SDK1: variants seen among roughly 807,000 people sequenced by gnomAD.
SDK1 encodes sidekick cell adhesion molecule 1.
SDK1 carries 157 observed loss-of-function variants against 245.5 expected under a neutral mutation model. The ratio of observed to expected loss-of-function variants is 0.64; its 90% CI spans 0.56 to 0.73. The LOEUF is 0.73. Among genes scored for constraint, SDK1 ranks in the 30% least tolerant of loss-of-function variants. SDK1 has a pLI of 0.00. For missense variants in SDK1, 3,583 were observed against 3,002.3 expected (o/e 1.19, Z -4.52); for synonymous variants, 1,647 against 1,278.5 (o/e 1.29, Z -6.15).
At chr7:3,881,401 GC>G (rs1193773510) in intron 5 of SDK1, among the ~76,000 whole-genome samples, 1 of 151,810 alleles carries the variant, frequency 6.6e-6, no homozygotes, top group East Asian at 1.9e-4. Context: ...ACGTCTTCCA[GC>G]TCCTTCTGCG....
intron 1 of SDK1, among the ~76,000 whole-genome samples, chr7:3,555,401 C>T (rs895768144): frequency 6.6e-6 from 1 of 152,114 alleles, no homozygotes; most frequent in Non-Finnish European, 1.5e-5. Flanking sequence ...GAAACTAGAC[C>T]TCTATGTCTC....
intron 4 of SDK1, among the ~76,000 whole-genome samples, chr7:3,735,461 T>C (rs866075324): frequency 1.3e-5 from 2 of 152,220 alleles, no homozygotes; most frequent in South Asian, 4.1e-4. Context: ...TGGTATAATG[T>C]CTCCAAGGTT....
At chr7:3,732,961 A>C (rs1583353224) in intron 4 of SDK1, among the ~76,000 whole-genome samples, 1 of 152,184 alleles carries the variant, frequency 6.6e-6, no homozygotes, top group African/African-American at 2.4e-5. Context: ...CCTAGTTTAT[A>C]GCAAGTAATC....
rs567591531 is a variant in SDK1 at position 3,585,849 on chromosome 7, T to A, written c.299-33231T>A. ...TTGTCAGCGAGGAAATAAATCTGTT[T>A]CTCTTTTCCATTTTCCAAGAAGGGA... On this transcript the variant is annotated intron_variant, in intron 1 of 44. Coordinates refer to ENST00000404826, the MANE Select transcript of SDK1 (RefSeq NM_152744.4). 2.0e-5 allele frequency among the ~76,000 whole-genome samples: 3 copies of A among 152,274 alleles called. No homozygotes were observed. The South Asian group carries it at 6.2e-4, about 32-fold the overall frequency.
At chr7:4,049,520 C>A in intron 18 of SDK1, 57 bp downstream of exon 18, 1 of 1,358,752 alleles carries the variant, frequency 7.4e-7, no homozygotes, top group Non-Finnish European at 1.1e-6. Flanking sequence ...AGCCACAGCG[C>A]GACGCAGCTG....
At chr7:3,413,208 G>C (rs1779261122) in intron 1 of SDK1, among the ~76,000 whole-genome samples, 1 of 152,132 alleles carries the variant, frequency 6.6e-6, no homozygotes. Flanking sequence ...CGAAGATCTT[G>C]AGCCAAGAGT....
intron 1 of SDK1, among the ~76,000 whole-genome samples, chr7:3,341,506 C>T (rs1452983562): frequency 6.6e-6 from 1 of 151,842 alleles, no homozygotes; most frequent in African/African-American, 2.4e-5. Context: ...ATATCCAGAC[C>T]AAAAAGGAGG....
At chr7:4,065,797 G>T (rs1426349896) in intron 19 of SDK1, among the ~76,000 whole-genome samples, 1 of 141,600 alleles carries the variant, frequency 7.1e-6, no homozygotes, top group African/African-American at 2.6e-5. Flanking sequence ...CCAACTCAGT[G>T]CTCGGTATGG....
chr7:3,859,105 G>T (rs538099478), intron 5 of SDK1, among the ~76,000 whole-genome samples: 3 of 151,682 alleles, frequency 2.0e-5, no homozygotes, highest in Admixed American at 1.3e-4. Context: ...CTCGTGATCC[G>T]CCCGCCTCGG....
At chr7:4,162,369 G>GTTGTTA (rs776772572) in intron 32 of SDK1, among the ~76,000 whole-genome samples, 5,962 of 128,122 alleles carry the variant, frequency 0.047, 199 homozygotes, top group East Asian at 0.16. Context: ...TGTTGTTGTT[G>GTTGTTA]TTATTATTAT....
intron 4 of SDK1, among the ~76,000 whole-genome samples, chr7:3,806,289 G>GATGTCCACATTAGGATGTGT (rs1779242653): frequency 7.9e-6 from 1 of 127,076 alleles, no homozygotes; most frequent in African/African-American, 3.5e-5. Context: ...CTAGGATGTG[G>GATGTCCACATTAGGATGTGT]ATGTCCACAT....
rs114628162 is a variant in SDK1, at chr7:3,553,765, C to T, written c.299-65315C>T. 2.6e-3 allele frequency among the ~76,000 whole-genome samples: 397 copies of T among 152,290 alleles called. 2 individuals are homozygous for T. The highest frequency in any genetic ancestry group is 9.1e-3 in the African/African-American group (377 of 41,552). The stretch of plus-strand genomic sequence containing the variant: ...TTTGTCCTCATGCACCTAAGACCAC[C>T]TTCTTCTGCCCAGAGAGGAATAGGT... On this transcript the variant is annotated intron_variant, in intron 1 of 44. Coordinates refer to ENST00000404826, the MANE Select transcript of SDK1 (RefSeq NM_152744.4).
chr7:4,212,460 A>G (rs765849565), intron 38 of SDK1, among the ~76,000 whole-genome samples: 83 of 152,224 alleles, frequency 5.5e-4, no homozygotes, highest in African/African-American at 1.6e-3. Context: ...ACTTTGGTAA[A>G]TAACAGTAGA....
At chr7:4,220,049 A>G in intron 38 of SDK1, 60 bp from the exon 39 acceptor site, 2 of 1,571,614 alleles carry the variant, frequency 1.3e-6, no homozygotes, top group East Asian at 2.3e-5. Context: ...CAGAACAGAC[A>G]GTGGACAGTT....
intron 4 of SDK1, among the ~76,000 whole-genome samples, chr7:3,683,503 C>A (rs1583303978): frequency 6.6e-6 from 1 of 152,308 alleles, no homozygotes; most frequent in East Asian, 1.9e-4. Flanking sequence ...TTGTTCACTT[C>A]ATGAGGACAA....
At chr7:3,589,922 T>G (rs1268872015) in intron 1 of SDK1, among the ~76,000 whole-genome samples, 3 of 152,162 alleles carry the variant, frequency 2.0e-5, no homozygotes, top group Non-Finnish European at 4.4e-5. Context: ...GATGGAATAT[T>G]GAGGTTATGC....
chr7:3,386,992 A>G (rs920179932), intron 1 of SDK1, among the ~76,000 whole-genome samples: 4 of 152,188 alleles, frequency 2.6e-5, no homozygotes, highest in African/African-American at 9.7e-5. Flanking sequence ...GCTATGGCAC[A>G]TTCATCTTCA....
intron 1 of SDK1, among the ~76,000 whole-genome samples, chr7:3,473,244 C>T (rs1781239726): frequency 6.6e-6 from 1 of 152,178 alleles, no homozygotes; most frequent in South Asian, 2.1e-4. Context: ...TACTCCAAGC[C>T]TTTCACTGTA....
At chr7:3,984,050 T>A (rs1783626602) in intron 13 of SDK1, among the ~76,000 whole-genome samples, 1 of 152,210 alleles carries the variant, frequency 6.6e-6, no homozygotes, top group Non-Finnish European at 1.5e-5. Context: ...TCTTTTTACA[T>A]CCCTCAATCT....
Sources: gnomAD v4.1 joint callset for allele counts (sites outside exome capture counted in the v4.1 genomes callset) on GRCh38, gnomAD v4.1.1 for gene constraint, MANE v1.5 for transcripts, NCBI Gene and HGNC (gene_info 2026-07-23, HGNC 2026-07-21) for gene names.